GRM8: variants seen among roughly 807,000 people sequenced by gnomAD.
GRM8 encodes glutamate metabotropic receptor 8.
In GRM8, 47 loss-of-function variants were observed where a neutral mutation model predicts 87.2. The observed-to-expected ratio is 0.54, with a 90% CI of 0.43 to 0.69. The LOEUF (loss-of-function observed/expected upper bound fraction) is 0.69, where lower values mean the gene tolerates loss of function less well. Ranked by LOEUF, GRM8 falls within the 30% of genes least tolerant of loss-of-function variation. The pLI is 0.00. For synonymous variants in GRM8, 396 were observed against 404.5 expected (o/e 0.98, Z 0.25); for missense variants, 1,019 against 1,139.2 (o/e 0.89, Z 1.52).
rs150166412 is a variant in GRM8 at position 126,810,024 on chromosome 7, G to A, written c.1157-39959C>T. On this transcript the variant is annotated intron_variant, in intron 6 of 10. Transcript: ENST00000339582. Reference sequence around the variant, plus strand: ...ATTTCAAAAAATAAATTACAATTATGTCAAAATAGAGTCAATTATTTAGGG... The same window carrying A: ...ATTTCAAAAAATAAATTACAATTATATCAAAATAGAGTCAATTATTTAGGG... 4.3e-3 allele frequency among the ~76,000 whole-genome samples: 656 copies of A among 152,208 alleles called. 5 individuals carry two copies. The highest frequency in any genetic ancestry group is 0.015 in the African/African-American group (629 of 41,546).
At chr7:126,890,867 C>T (rs557162226) in intron 6 of GRM8, among the ~76,000 whole-genome samples, 1 of 152,088 alleles carries the variant, frequency 6.6e-6, no homozygotes, top group South Asian at 2.1e-4. Context: ...CTATCTCAGG[C>T]CCTCTGCAAT....
At chr7:127,187,827 G>C (rs1478701533) in intron 2 of GRM8, among the ~76,000 whole-genome samples, 4 of 152,150 alleles carry the variant, frequency 2.6e-5, no homozygotes. Context: ...CTGTTCACCA[G>C]GTTCAAATGA....
chr7:127,111,003 C>G (rs1269680000), intron 2 of GRM8: 1 of 152,194 alleles, frequency 6.6e-6, no homozygotes, highest in Non-Finnish European at 1.5e-5. Flanking sequence ...CACTGGCAAC[C>G]AGACATTTGA....
chr7:127,214,052 C>CT (rs1326937804), intron 2 of GRM8, among the ~76,000 whole-genome samples: 2 of 152,010 alleles, frequency 1.3e-5, no homozygotes, highest in Non-Finnish European at 2.9e-5. Flanking sequence ...TTCTTTTATC[C>CT]TTTTTCATAT....
At chr7:127,222,458 C>T (rs1796999737) in intron 2 of GRM8, among the ~76,000 whole-genome samples, 1 of 152,164 alleles carries the variant, frequency 6.6e-6, no homozygotes, top group Admixed American at 6.5e-5. Context: ...ATACTCTACC[C>T]TACTTTCTCA....
At chr7:127,021,548 C>T in intron 3 of GRM8, among the ~76,000 whole-genome samples, 1 of 151,962 alleles carries the variant, frequency 6.6e-6, no homozygotes, top group Non-Finnish European at 1.5e-5. Context: ...GTGAGTCAAT[C>T]CAGTTGTTTG....
At chr7:126,621,827 C>T (rs1028609735) in intron 7 of GRM8, among the ~76,000 whole-genome samples, 1 of 152,100 alleles carries the variant, frequency 6.6e-6, no homozygotes, top group Non-Finnish European at 1.5e-5. Flanking sequence ...CCAAAAGTTT[C>T]CTCTTTGGAC....
chr7:126,647,401 A>G (rs1803278102), intron 7 of GRM8, among the ~76,000 whole-genome samples: 1 of 151,518 alleles, frequency 6.6e-6, no homozygotes, highest in Non-Finnish European at 1.5e-5. Context: ...ATATCTATAT[A>G]TCTTACGAGT....
intron 8 of GRM8, among the ~76,000 whole-genome samples, chr7:126,591,479 A>T (rs1487527546): frequency 1.3e-5 from 2 of 152,112 alleles, no homozygotes; most frequent in Non-Finnish European, 2.9e-5. Context: ...TCAAGACAGA[A>T]AGTCAACAAA....
chr7:126,703,740 TTTC>T (rs1810193922), intron 7 of GRM8, among the ~76,000 whole-genome samples: 1 of 152,128 alleles, frequency 6.6e-6, no homozygotes, highest in Non-Finnish European at 1.5e-5. Context: ...TTAAAATTTT[TTTC>T]TTGAGACAGA....
intron 7 of GRM8, among the ~76,000 whole-genome samples, chr7:126,689,747 C>A (rs1808603036): frequency 6.6e-6 from 1 of 152,044 alleles, no homozygotes. Context: ...GACCCAATAG[C>A]TATTTTAATT....
At chr7:127,055,992 A>G (rs11563757) in intron 3 of GRM8, among the ~76,000 whole-genome samples, 12,159 of 152,288 alleles carry the variant, frequency 0.08, 528 homozygotes, top group South Asian at 0.13. Context: ...GTATGACTGA[A>G]CAGTTATAAG....
intron 6 of GRM8, among the ~76,000 whole-genome samples, chr7:126,775,221 A>G (rs970705999): frequency 2.6e-5 from 4 of 152,096 alleles, no homozygotes; most frequent in Non-Finnish European, 4.4e-5. Context: ...TGGTAGAGGA[A>G]GAAGGGAATT....
intron 2 of GRM8, among the ~76,000 whole-genome samples, chr7:127,218,697 G>A (rs11563352): frequency 0.013 from 2,040 of 152,220 alleles, 52 homozygotes; most frequent in African/African-American, 0.046. Flanking sequence ...ATGAGTAGAC[G>A]GAACTGAAGA....
chr7:127,202,960 G>A (rs1795693832), intron 2 of GRM8, among the ~76,000 whole-genome samples: 1 of 152,076 alleles, frequency 6.6e-6, no homozygotes, highest in South Asian at 2.1e-4. Flanking sequence ...AGAATGTTGG[G>A]GCCTAACTAC....
chr7:127,081,325 G>A (rs957760057), intron 3 of GRM8, among the ~76,000 whole-genome samples: 5 of 152,114 alleles, frequency 3.3e-5, no homozygotes, highest in Non-Finnish European at 5.9e-5. Flanking sequence ...GGTCCCTAGA[G>A]CCCTTTTACC....
intron 2 of GRM8, among the ~76,000 whole-genome samples, chr7:127,237,979 T>A (rs1044840220): frequency 2.0e-5 from 3 of 152,136 alleles, no homozygotes; most frequent in African/African-American, 4.8e-5. Context: ...GGAGAAAAAA[T>A]TTGAGCTCTT....
At chr7:126,647,025 G>C (rs1051961333) in intron 7 of GRM8, among the ~76,000 whole-genome samples, 5 of 152,038 alleles carry the variant, frequency 3.3e-5, no homozygotes, top group African/African-American at 7.2e-5. Flanking sequence ...TGACTTTTAG[G>C]GGGTGATTCT....
intron 3 of GRM8, among the ~76,000 whole-genome samples, chr7:126,994,561 A>T (rs1394729993): frequency 6.6e-6 from 1 of 152,138 alleles, no homozygotes; most frequent in East Asian, 1.9e-4. Context: ...AATCTGACTG[A>T]AGAGCCCCTG....
Sources: allele counts gnomAD v4.1 joint callset (sites outside exome capture counted in the v4.1 genomes callset), GRCh38; gene constraint gnomAD v4.1.1; transcripts MANE v1.5; gene names NCBI Gene and HGNC (gene_info 2026-07-23, HGNC 2026-07-21).